The following FAF1 variants were observed in gnomAD, a reference collection of about 807,000 sequenced individuals.
FAF1 encodes FAS-associated factor 1.
Under a neutral mutation model 92.5 loss-of-function variants are expected in FAF1, and 25 were observed. The ratio of observed to expected loss-of-function variants is 0.27; its 90% CI spans 0.20 to 0.38. The LOEUF (loss-of-function observed/expected upper bound fraction) is 0.38, where lower values mean the gene tolerates loss of function less well. FAF1 is among the 10% of genes least tolerant of loss of function. The pLI is 1.00. For missense variants in FAF1, 636 were observed against 793.3 expected, an observed-to-expected ratio of 0.80 and a Z score of 2.38; for synonymous variants, 234 against 273.2, an observed-to-expected ratio of 0.86 and a Z score of 1.42.
chr1:50,766,707 G>A (rs1660583379), intron 4 of FAF1, among the ~76,000 whole-genome samples: 1 of 145,974 alleles, frequency 6.9e-6, no homozygotes, highest in African/African-American at 2.5e-5. Flanking sequence ...GGGAAACAAA[G>A]TCAGTTGACT....
chr1:50,528,544 C>T (rs1459853763), intron 15 of FAF1, among the ~76,000 whole-genome samples: 1 of 152,104 alleles, frequency 6.6e-6, no homozygotes, highest in African/African-American at 2.4e-5. Flanking sequence ...ATCAAATTTT[C>T]TTTTATGGAA....
chr1:50,543,212 A>G (rs981703221), intron 13 of FAF1, among the ~76,000 whole-genome samples: 1 of 152,196 alleles, frequency 6.6e-6, no homozygotes, highest in Non-Finnish European at 1.5e-5. Context: ...TTTCAACTTA[A>G]GTCATAATTA....
At chr1:50,772,719 G>A (rs1311897981) in intron 4 of FAF1, among the ~76,000 whole-genome samples, 1 of 152,076 alleles carries the variant, frequency 6.6e-6, no homozygotes, top group Non-Finnish European at 1.5e-5. Context: ...AGTGGGAGGA[G>A]GGTGAAGATC....
At chr1:50,809,741 A>G (rs1029229906) in intron 2 of FAF1, among the ~76,000 whole-genome samples, 3 of 152,216 alleles carry the variant, frequency 2.0e-5, no homozygotes, top group African/African-American at 7.2e-5. Flanking sequence ...AATATTTAAG[A>G]AAGAAAGACT....
At chr1:50,640,686 G>A (rs554798466) in intron 8 of FAF1, among the ~76,000 whole-genome samples, 45 of 151,936 alleles carry the variant, frequency 3.0e-4, no homozygotes, top group Non-Finnish European at 4.0e-4. Flanking sequence ...AGAATTTATC[G>A]GCCCAAAGTC....
intron 7 of FAF1, among the ~76,000 whole-genome samples, chr1:50,704,503 T>C (rs146974867): frequency 1.3e-5 from 2 of 152,294 alleles, no homozygotes; most frequent in African/African-American, 4.8e-5. Flanking sequence ...GATTTTACTA[T>C]CCTGTAAAAT....
intron 7 of FAF1, among the ~76,000 whole-genome samples, chr1:50,701,581 G>C (rs1657476434): frequency 6.6e-6 from 1 of 152,216 alleles, no homozygotes; most frequent in Non-Finnish European, 1.5e-5. Context: ...CGCTAGTCAA[G>C]CAAGTTAAGA....
At chr1:50,498,928 C>A (rs1035870602) in intron 15 of FAF1, among the ~76,000 whole-genome samples, 1 of 151,672 alleles carries the variant, frequency 6.6e-6, no homozygotes, top group Non-Finnish European at 1.5e-5. Context: ...CCAGTACAGG[C>A]ATGTTCATAG....
chr1:50,743,124 C>A (rs1424720088), intron 5 of FAF1, among the ~76,000 whole-genome samples: 1 of 152,096 alleles, frequency 6.6e-6, no homozygotes, highest in Non-Finnish European at 1.5e-5. Flanking sequence ...TGACTCTGTA[C>A]AGAAAAAGTT....
intron 15 of FAF1, among the ~76,000 whole-genome samples, chr1:50,507,266 G>T (rs1403613061): frequency 2.0e-5 from 3 of 152,120 alleles, no homozygotes; most frequent in Non-Finnish European, 4.4e-5. Flanking sequence ...ATGTCAAAAA[G>T]AATAAAAGTA....
At chr1:50,709,376 T>C (rs1026906566) in intron 6 of FAF1, among the ~76,000 whole-genome samples, 15 of 152,358 alleles carry the variant, frequency 9.8e-5, no homozygotes, top group Non-Finnish European at 1.8e-4. Flanking sequence ...GTTTTTATAA[T>C]AACTGATTAC....
intron 7 of FAF1, among the ~76,000 whole-genome samples, chr1:50,695,730 C>A (rs1275327770): frequency 6.6e-6 from 1 of 152,128 alleles, no homozygotes; most frequent in Non-Finnish European, 1.5e-5. Flanking sequence ...TCACTTGCAA[C>A]CTCCGCCTCC....
At chr1:50,758,797 C>T (rs1444327510) in intron 4 of FAF1, among the ~76,000 whole-genome samples, 1 of 152,070 alleles carries the variant, frequency 6.6e-6, no homozygotes, top group Admixed American at 6.6e-5. Context: ...ACTGCATTGC[C>T]TCCTGGTGTG....
chr1:50,747,883 T>G (rs1659691247), intron 4 of FAF1, among the ~76,000 whole-genome samples: 1 of 152,072 alleles, frequency 6.6e-6, no homozygotes, highest in African/African-American at 2.4e-5. Context: ...CTCTCTCTCT[T>G]CCTCCTGCGC....
At chr1:50,635,977 G>A (rs1211697400) in intron 8 of FAF1, among the ~76,000 whole-genome samples, 3 of 152,124 alleles carry the variant, frequency 2.0e-5, no homozygotes, top group Admixed American at 2.0e-4. Context: ...AAATTGGACT[G>A]GATATTTTAA....
intron 13 of FAF1, among the ~76,000 whole-genome samples, chr1:50,551,738 A>C (rs1454178707): frequency 6.6e-6 from 1 of 152,216 alleles, no homozygotes; most frequent in African/African-American, 2.4e-5. Context: ...TTTAGATAAG[A>C]TTCAGAAATA....
chr1:50,549,488 C>A (rs1311500074), intron 13 of FAF1, among the ~76,000 whole-genome samples: 1 of 151,242 alleles, frequency 6.6e-6, no homozygotes, highest in Admixed American at 6.6e-5. Context: ...TTTAAAAAAA[C>A]AAAATTTAAG....
chr1:50,927,675 G>A (rs1045996028), intron 1 of FAF1, among the ~76,000 whole-genome samples: 1 of 152,160 alleles, frequency 6.6e-6, no homozygotes, highest in South Asian at 2.1e-4. Flanking sequence ...ATGGAAGAAG[G>A]AGGCTTCTGG....
chr1:50,719,823 G>C (rs1209548265), intron 6 of FAF1, among the ~76,000 whole-genome samples: 1 of 152,140 alleles, frequency 6.6e-6, no homozygotes, highest in Non-Finnish European at 1.5e-5. Flanking sequence ...ATGCTAACAA[G>C]CTAATCTCAG....
Sources: gnomAD v4.1 joint callset for allele counts (sites outside exome capture counted in the v4.1 genomes callset) on GRCh38, gnomAD v4.1.1 for gene constraint, MANE v1.5 for transcripts, NCBI Gene and HGNC (gene_info 2026-07-23, HGNC 2026-07-21) for gene names.